HACD2: variants seen among roughly 807,000 people sequenced by gnomAD.
The protein encoded by HACD2 is 3-hydroxyacyl-CoA dehydratase 2, also known as very-long-chain (3R)-3-hydroxyacyl-CoA dehydratase 2.
Under a neutral mutation model 31.0 loss-of-function variants are expected in HACD2, and 15 were observed. The observed-to-expected ratio is 0.48, with a 90% CI of 0.32 to 0.75. The LOEUF (loss-of-function observed/expected upper bound fraction) is 0.75. HACD2 is among the 30% of genes least tolerant of loss of function. The pLI is 0.03. For synonymous variants in HACD2, 115 were observed against 122.2 expected (o/e 0.94, Z 0.39); for missense variants, 283 against 313.0 (o/e 0.90, Z 0.72).
intron 4 of HACD2, among the ~76,000 whole-genome samples, chr3:123,514,045 C>A (rs957067977): frequency 6.6e-6 from 1 of 152,100 alleles, no homozygotes; most frequent in Non-Finnish European, 1.5e-5. Flanking sequence ...GAAGCTGAGG[C>A]GGGCGGATTG....
At chr3:123,560,727 G>A (rs1329765518) in intron 3 of HACD2, among the ~76,000 whole-genome samples, 2 of 152,210 alleles carry the variant, frequency 1.3e-5, no homozygotes, top group Non-Finnish European at 2.9e-5. Context: ...CTTGTTCTTT[G>A]GGGATGGTGG....
intron 2 of HACD2, among the ~76,000 whole-genome samples, chr3:123,570,148 C>T (rs554463295): frequency 2.0e-5 from 3 of 152,036 alleles, no homozygotes; most frequent in African/African-American, 2.4e-5. Flanking sequence ...ATGCACTCTC[C>T]CCTTTTTAAT....
intron 3 of HACD2, among the ~76,000 whole-genome samples, chr3:123,546,580 A>C (rs1228402842): frequency 6.6e-6 from 1 of 152,200 alleles, no homozygotes; most frequent in Non-Finnish European, 1.5e-5. Context: ...TCTTATAACC[A>C]TAAGACTACA....
chr3:123,558,723 A>G (rs2056697108), intron 3 of HACD2, among the ~76,000 whole-genome samples: 1 of 152,218 alleles, frequency 6.6e-6, no homozygotes, highest in African/African-American at 2.4e-5. Context: ...CTTTTAACAC[A>G]TTGTTCAACT....
chr3:123,552,994 T>C (rs1009146918), intron 3 of HACD2, among the ~76,000 whole-genome samples: 4 of 152,022 alleles, frequency 2.6e-5, no homozygotes, highest in Non-Finnish European at 5.9e-5. Context: ...ACACATATGT[T>C]TGGAATCCTT....
In HACD2 at chr3:123,494,845, T is replaced by A. The variant is rs781186233; in HGVS notation, c.*43A>T. On this transcript the variant is annotated 3_prime_UTR_variant, in exon 7 of 7. Transcript: ENST00000383657. ...TCAAAAAATCTGCAGCATTTTTTGA[T>A]CATTGAAAAGTTTGTTTTGGTGGGA... 5.5e-6 allele frequency: 7 copies of A among 1,264,334 alleles called. No homozygotes were observed. Among genetic ancestry groups the A allele is most frequent in the African/African-American group, 3.0e-5 (2 of 66,986 alleles). The allele number at this position is 1,264,334 out of a possible 1,614,324, so 78.3% of individuals were successfully genotyped here.
chr3:123,499,765 C>A, intron 6 of HACD2: 1 of 371,904 alleles, frequency 2.7e-6, no homozygotes, highest in South Asian at 2.0e-5. Context: ...ATAAGAAGAT[C>A]TTTTGGTATA....
At chr3:123,536,930 G>A (rs73188552) in intron 3 of HACD2, among the ~76,000 whole-genome samples, 28,397 of 152,170 alleles carry the variant, frequency 0.19, 2,795 homozygotes, top group African/African-American at 0.21. Context: ...ATGTGACCTT[G>A]AGAAACACAA....
intron 3 of HACD2, among the ~76,000 whole-genome samples, chr3:123,567,519 C>G (rs530671244): frequency 6.6e-6 from 1 of 152,256 alleles, no homozygotes; most frequent in South Asian, 2.1e-4. Flanking sequence ...AGGTGGGAGA[C>G]ACCTCTTTTA....
chr3:123,580,542 G>A (rs1236908789), intron 2 of HACD2, among the ~76,000 whole-genome samples: 2 of 151,992 alleles, frequency 1.3e-5, no homozygotes, highest in Non-Finnish European at 2.9e-5. Context: ...TCAGTGCTTT[G>A]GGAGGCTGAG....
At chr3:123,536,719 A>G (rs988777453) in intron 3 of HACD2, among the ~76,000 whole-genome samples, 11 of 152,228 alleles carry the variant, frequency 7.2e-5, no homozygotes, top group Non-Finnish European at 1.3e-4. Context: ...AATTACCTAT[A>G]AAGTAGTAAA....
chr3:123,557,884 C>T (rs1371817191), intron 3 of HACD2, among the ~76,000 whole-genome samples: 2 of 152,220 alleles, frequency 1.3e-5, no homozygotes, highest in African/African-American at 4.8e-5. Context: ...TCTTACAAAA[C>T]TAAACATACC....
At chr3:123,556,197 G>A (rs1251143944) in intron 3 of HACD2, among the ~76,000 whole-genome samples, 1 of 152,116 alleles carries the variant, frequency 6.6e-6, no homozygotes, top group Non-Finnish European at 1.5e-5. Context: ...AGCACTTTGG[G>A]AGGCCAAGGC....
Position 123,502,606 on chromosome 3 carries a change from T to A in HACD2, c.457A>T (p.Thr153Ser). 6.2e-7 allele frequency: 1 copy of A among 1,610,748 alleles called. No homozygotes were observed. ...GGCAGATGGTTTAATAGACTGAATG[T>A]ATAAAAGGAGTAACGGATGATTTCC... ...ITEIIRYSFY[T>S]FSLLNHLPYL... is the part of the protein sequence containing the mutation. Residue 153 changes from threonine (T) to serine (S), a missense_variant, in exon 5 of 7, where the codon ACA becomes TCA. By Grantham distance (58) the Thr-to-Ser change is moderately conservative (BLOSUM62 1). Around this residue, in one of 3 missense-constraint regions of HACD2, gnomAD observed 85 missense variants for 129.6 expected, o/e 0.66. Transcript: ENST00000383657.
At chr3:123,564,336 A>G (rs1313390741) in intron 3 of HACD2, among the ~76,000 whole-genome samples, 4 of 152,212 alleles carry the variant, frequency 2.6e-5, no homozygotes, top group Non-Finnish European at 5.9e-5. Flanking sequence ...GTTCAGTCAG[A>G]AGGGCAATGA....
chr3:123,547,972 G>A (rs2056579452), intron 3 of HACD2, among the ~76,000 whole-genome samples: 1 of 152,042 alleles, frequency 6.6e-6, no homozygotes, highest in African/African-American at 2.4e-5. Flanking sequence ...GTAAGCAAGT[G>A]GAAGAACCAG....
chr3:123,532,243 C>T (rs538493890), intron 3 of HACD2, among the ~76,000 whole-genome samples: 7 of 152,258 alleles, frequency 4.6e-5, no homozygotes, highest in African/African-American at 9.6e-5. Flanking sequence ...CCAGTGAACT[C>T]GCCTACTTAG....
intron 4 of HACD2, among the ~76,000 whole-genome samples, chr3:123,514,574 A>G (rs2056109222): frequency 6.6e-6 from 1 of 152,186 alleles, no homozygotes; most frequent in Admixed American, 6.5e-5. Flanking sequence ...ATAAAGACAT[A>G]ACATTTATAA....
chr3:123,526,615 G>A (rs1158517131), intron 4 of HACD2, among the ~76,000 whole-genome samples: 1 of 151,408 alleles, frequency 6.6e-6, no homozygotes, highest in Admixed American at 6.6e-5. Flanking sequence ...AAACAATTTT[G>A]AATATGGAAA....
Sources: allele counts gnomAD v4.1 joint callset (sites outside exome capture counted in the v4.1 genomes callset), GRCh38; gene constraint gnomAD v4.1.1; regional missense constraint gnomAD v4.1.1; transcripts MANE v1.5; gene names NCBI Gene and HGNC (gene_info 2026-07-23, HGNC 2026-07-21).